The following IQSEC3 variants were observed in gnomAD, a reference collection of about 807,000 sequenced individuals.
IQSEC3 encodes the protein IQ motif and SEC7 domain-containing protein 3.
In IQSEC3, 50 loss-of-function variants were observed where a neutral mutation model predicts 105.4. That is an observed-to-expected ratio of 0.47 (90% CI 0.38 to 0.60). The LOEUF (loss-of-function observed/expected upper bound fraction) is 0.60. Ranked by LOEUF, IQSEC3 falls within the 20% of genes least tolerant of loss-of-function variation. The probability of loss-of-function intolerance (pLI) is 0.00; values close to 1 mark genes in which losing one functional copy is unlikely to be tolerated. For synonymous variants in IQSEC3, 708 were observed against 746.0 expected (o/e 0.95, Z 0.83); for missense variants, 1,415 against 1,630.0 (o/e 0.87, Z 2.27).
At chr12:151,698 C>T (rs1403287095) in intron 5 of IQSEC3, among the ~76,000 whole-genome samples, 1 of 152,236 alleles carries the variant, frequency 6.6e-6, no homozygotes, top group East Asian at 1.9e-4. Context: ...ACAAAGCTGA[C>T]AGACTGAGCC....
rs1555092847 is a variant in IQSEC3 at position 152,182 on chromosome 12, A to G, written c.2154-4843A>G. On this transcript the variant is annotated intron_variant, in intron 5 of 13. Transcript: ENST00000538872. The surrounding 1 kb of genome is among the most constrained non-coding windows in gnomAD (Gnocchi z 4.8). ...CCACAGGGCACAAAAAGCACCAGAA[A>G]GGGGAAGGCAGGAGGTCAGCGATAT... is the stretch of plus-strand genomic sequence containing the variant. Among the ~76,000 whole-genome samples the G allele has an allele frequency of 6.6e-6, 1 of 152,192 alleles. No homozygotes were observed. Among genetic ancestry groups the G allele is most frequent in the Non-Finnish European group, 1.5e-5 (1 of 68,028 alleles).
chr12:140,837 A>C, intron 4 of IQSEC3: 1 of 375,032 alleles, frequency 2.7e-6, no homozygotes. Context: ...GGTAGGGGGA[A>C]GGGCAGGACT....
At chr12:133,691 T>C (rs1865667742) in intron 3 of IQSEC3, among the ~76,000 whole-genome samples, 2 of 147,536 alleles carry the variant, frequency 1.4e-5, no homozygotes, top group Non-Finnish European at 1.5e-5. Flanking sequence ...TAGGGCAGGG[T>C]TGGGTCAGTA....
In IQSEC3 at chr12:157,156, G is replaced by A. The variant is rs766738777; in HGVS notation, c.2276+9G>A. The A allele has an allele frequency of 1.2e-4, 183 of 1,550,414 alleles. 2 individuals are homozygous for A. In the South Asian group the frequency reaches 1.9e-3, roughly 16 times the overall value. ...CTCATTGAGGCCTTCAGGTAAGGCCGCTTCCCAGCTCCACTCCCCAACAGA... is the reference window on the plus strand; with the variant it reads ...CTCATTGAGGCCTTCAGGTAAGGCCACTTCCCAGCTCCACTCCCCAACAGA... On this transcript the variant is annotated intron_variant, in intron 6 of 13. Coordinates refer to ENST00000538872, the MANE Select transcript of IQSEC3 (RefSeq NM_001170738.2).
chr12:125,300 G>A (rs1415076746), intron 2 of IQSEC3, among the ~76,000 whole-genome samples: 2 of 152,182 alleles, frequency 1.3e-5, no homozygotes, highest in African/African-American at 4.8e-5. Flanking sequence ...CAATGAGGCT[G>A]AGTGACCTGC....
intron 2 of IQSEC3, among the ~76,000 whole-genome samples, chr12:116,373 C>T (rs1865048830): frequency 6.6e-6 from 1 of 152,306 alleles, no homozygotes; most frequent in East Asian, 1.9e-4. Context: ...CAAAGGCACT[C>T]GCCCCGGAGA....
At position 67,038 on chromosome 12, in the gene IQSEC3, C is replaced by T. The variant is rs573785180; in HGVS notation, c.156C>T (p.Ser52=). Residue 52 remains serine, a synonymous_variant, in exon 1 of 14, where the codon AGC becomes AGT. Transcript: ENST00000538872. The part of the protein sequence containing the change: ...RLDELSAENR[S]LWEHQQLLQA... ...ACGAGCTGAGCGCTGAGAACCGCAG[C>T]CTGTGGGAGCACCAGCAGCTGCTGC... 129 of 1,532,328 alleles carry T rather than the reference C, an allele frequency of 8.4e-5. No individual in the cohort carries two copies. The Admixed American group carries it at 9.4e-4, about 11-fold the overall frequency. The allele number at this position is 1,532,328 out of a possible 1,614,324, so 94.9% of individuals were successfully genotyped here.
At chr12:85,403 C>A (rs1555071787) in intron 1 of IQSEC3, among the ~76,000 whole-genome samples, 1 of 152,244 alleles carries the variant, frequency 6.6e-6, no homozygotes, top group Non-Finnish European at 1.5e-5. Flanking sequence ...CAGCCACGGG[C>A]CCAGCTCTGC....
chr12:132,468 G>A (rs1469294750), intron 3 of IQSEC3, among the ~76,000 whole-genome samples: 2 of 152,180 alleles, frequency 1.3e-5, no homozygotes, highest in Non-Finnish European at 2.9e-5. Flanking sequence ...GTTCTGCAGT[G>A]TAAGGTGATG....
chr12:159,250 A>G (rs957744456), intron 7 of IQSEC3, among the ~76,000 whole-genome samples: 2 of 152,096 alleles, frequency 1.3e-5, no homozygotes, highest in Non-Finnish European at 1.5e-5. Flanking sequence ...GCTCCTCTCC[A>G]TATGTCCAGA....
intron 1 of IQSEC3, among the ~76,000 whole-genome samples, chr12:84,033 T>A (rs1863838180): frequency 1.3e-5 from 2 of 152,188 alleles, no homozygotes; most frequent in Admixed American, 6.5e-5. Flanking sequence ...AGTGACATCT[T>A]CAGGATTCGT....
intron 5 of IQSEC3, chr12:143,091 C>T (rs1866099824): frequency 6.6e-6 from 1 of 152,380 alleles, no homozygotes; most frequent in Non-Finnish European, 1.5e-5. Flanking sequence ...TTCCTGCAGC[C>T]CAGGTGGTGC....
intron 1 of IQSEC3, among the ~76,000 whole-genome samples, chr12:69,281 A>C (rs1555066846): frequency 1.3e-5 from 2 of 152,272 alleles, no homozygotes; most frequent in Admixed American, 1.3e-4. Context: ...TTAGACAAAG[A>C]CATAGCCATA....
chr12:119,380 G>A (rs1555081361), intron 2 of IQSEC3, among the ~76,000 whole-genome samples: 1 of 152,220 alleles, frequency 6.6e-6, no homozygotes, highest in African/African-American at 2.4e-5. Context: ...CCCCTGACAT[G>A]AAGGTAAAAT....
chr12:102,367 G>C (rs782522452), intron 2 of IQSEC3, among the ~76,000 whole-genome samples: 15 of 152,202 alleles, frequency 9.9e-5, no homozygotes, highest in Non-Finnish European at 2.1e-4. Context: ...GACCTTTGTT[G>C]TGTGGACTCA....
chr12:82,649 C>G lies in IQSEC3; in HGVS notation c.554+15213C>G, dbSNP rs575014985. Among the ~76,000 whole-genome samples the G allele has an allele frequency of 1.3e-3, 192 of 152,282 alleles. 2 individuals carry two copies. The highest frequency in any genetic ancestry group is 2.5e-3 in the Non-Finnish European group (167 of 68,030). On this transcript the variant is annotated intron_variant, in intron 1 of 13. Transcript: ENST00000538872. ...TCATTTAATGAAAGCTGACATTGACCATGCACTTACTATGAGTGAGGCACG... is the reference window on the plus strand; with the variant it reads ...TCATTTAATGAAAGCTGACATTGACGATGCACTTACTATGAGTGAGGCACG...
chr12:87,979 G>C (rs571916138), intron 1 of IQSEC3, among the ~76,000 whole-genome samples: 1 of 152,220 alleles, frequency 6.6e-6, no homozygotes, highest in African/African-American at 2.4e-5. Context: ...AGGCTTCACC[G>C]AAAGGAGGAC....
At chr12:68,480 T>C (rs1427444941) in intron 1 of IQSEC3, among the ~76,000 whole-genome samples, 8 of 152,138 alleles carry the variant, frequency 5.3e-5, no homozygotes. Flanking sequence ...AGGAGGTCCA[T>C]GAACTAGGAA....
At position 69,293 on chromosome 12, in the gene IQSEC3, C is replaced by G. The variant is rs146733673; in HGVS notation, c.554+1857C>G. Among the ~76,000 whole-genome samples the G allele has an allele frequency of 9.4e-3, 1,425 of 152,304 alleles. 14 individuals are homozygous for G. Among genetic ancestry groups the G allele is most frequent in the African/African-American group, 0.033 (1,355 of 41,502 alleles). On this transcript the variant is annotated intron_variant, in intron 1 of 13. Transcript: ENST00000538872. ...TTCTTAGACAAAGACATAGCCATAG[C>G]CTTCAGAGTGGCCTACGGAACCCAA...
Sources: gnomAD v4.1 joint callset for allele counts (sites outside exome capture counted in the v4.1 genomes callset) on GRCh38, gnomAD v4.1.1 for gene constraint, Gnocchi (gnomAD v3.1) non-coding constraint, MANE v1.5 for transcripts, NCBI Gene and HGNC (gene_info 2026-07-23, HGNC 2026-07-21) for gene names.